The following AKAP6 variants were observed in gnomAD, a reference collection of about 807,000 sequenced individuals.
AKAP6 encodes the protein A-kinase anchoring protein 6.
In AKAP6, 58 loss-of-function variants were observed where a neutral mutation model predicts 188.5. That is an observed-to-expected ratio of 0.31 (90% confidence interval 0.25 to 0.38). The LOEUF (loss-of-function observed/expected upper bound fraction) is 0.38, where lower values mean the gene tolerates loss of function less well. AKAP6 is among the 10% of genes least tolerant of loss of function. The pLI is 1.00. For missense variants in AKAP6, 2,710 were observed against 2,740.0 expected (o/e 0.99, Z 0.24); for synonymous variants, 989 against 998.6 (o/e 0.99, Z 0.18).
At chr14:32,381,586 A>G (rs539363585) in intron 1 of AKAP6, among the ~76,000 whole-genome samples, 183 of 152,306 alleles carry the variant, frequency 1.2e-3, no homozygotes, top group African/African-American at 4.4e-3. Context: ...GAAAAATAAG[A>G]CTAAGATCTG....
Position 32,821,760 on chromosome 14 carries a change from A to G in AKAP6, c.3947A>G (p.Gln1316Arg). 1 of 1,613,894 alleles carries G rather than the reference A, an allele frequency of 6.2e-7. No homozygotes were observed. The highest frequency in any genetic ancestry group is 8.5e-7 in the Non-Finnish European group (1 of 1,179,940). ...AATCCAAAGGTCACTGGCATGACAC[A>G]GCCTAATGTTTTAACTAAGAGTCTC... ...KNNPKVTGMT[Q>R]PNVLTKSLSK... is the part of the protein sequence containing the mutation. The change falls in exon 13 of 14, where the codon CAG becomes CGG. Residue 1316 changes from glutamine to arginine, a missense_variant. Physicochemically the swap from Gln to Arg is conservative, Grantham distance 43. Coordinates refer to ENST00000280979, the MANE Select transcript of AKAP6 (RefSeq NM_004274.5).
intron 7 of AKAP6, among the ~76,000 whole-genome samples, chr14:32,623,665 C>G (rs926350742): frequency 6.6e-6 from 1 of 152,016 alleles, no homozygotes; most frequent in Admixed American, 6.6e-5. Flanking sequence ...GACAGAGAAC[C>G]GTGGCATAAT....
At chr14:32,678,182 C>T in intron 7 of AKAP6, 129 bp from the exon 8 acceptor site, 1 of 911,280 alleles carries the variant, frequency 1.1e-6, no homozygotes, top group Non-Finnish European at 1.6e-6. Flanking sequence ...CAACTGATCC[C>T]ATTAAATCCA....
chr14:32,741,769 T>G (rs73266980), intron 11 of AKAP6, among the ~76,000 whole-genome samples: 22,613 of 150,232 alleles, frequency 0.15, 1,810 homozygotes, highest in Middle Eastern at 0.2. Context: ...TTTGCTAGTA[T>G]TTTGTTGAGG....
intron 4 of AKAP6, among the ~76,000 whole-genome samples, chr14:32,556,922 T>C (rs1013107898): frequency 1.1e-4 from 16 of 148,468 alleles, no homozygotes; most frequent in African/African-American, 4.0e-4. Context: ...TCTCTCTCTC[T>C]TTTTTTTTTA....
In AKAP6 at chr14:32,509,912, C is replaced by A. The variant is rs947642814; in HGVS notation, c.325-25642C>A. ...ATGTTACTTGACGCTCCTTCATTCC[C>A]GTTGAAGCTGCCTCTCCCGGAAATC... is the stretch of plus-strand genomic sequence containing the variant. On this transcript the variant is annotated intron_variant, in intron 2 of 13. Coordinates refer to ENST00000280979, the MANE Select transcript of AKAP6 (RefSeq NM_004274.5). 1.1e-4 allele frequency among the ~76,000 whole-genome samples: 17 copies of A among 152,278 alleles called. 1 individual carries two copies. The Middle Eastern group carries it at 0.01, about 92-fold the overall frequency.
chr14:32,386,119 C>T (rs1486319620), intron 1 of AKAP6, among the ~76,000 whole-genome samples: 2 of 151,924 alleles, frequency 1.3e-5, no homozygotes, highest in African/African-American at 2.4e-5. Flanking sequence ...TGGGTAGATA[C>T]CCAGTAGTGG....
intron 7 of AKAP6, among the ~76,000 whole-genome samples, chr14:32,661,072 G>T (rs1397152407): frequency 6.6e-6 from 1 of 151,646 alleles, no homozygotes; most frequent in Non-Finnish European, 1.5e-5. Flanking sequence ...TTCATTTTGG[G>T]AAATGTAGAG....
chr14:32,583,376 G>A (rs538580950), intron 5 of AKAP6, among the ~76,000 whole-genome samples: 17 of 152,300 alleles, frequency 1.1e-4, no homozygotes, highest in Admixed American at 7.8e-4. Flanking sequence ...GTACCCGGCC[G>A]TGTGAGGTGT....
chr14:32,807,111 C>T (rs566988899), intron 12 of AKAP6, among the ~76,000 whole-genome samples: 4 of 150,844 alleles, frequency 2.7e-5, no homozygotes, highest in Middle Eastern at 3.5e-3. Flanking sequence ...TTTGGAAGGC[C>T]AAGGCAGGAG....
chr14:32,624,049 G>C (rs1055025066), intron 7 of AKAP6, among the ~76,000 whole-genome samples: 1 of 152,076 alleles, frequency 6.6e-6, no homozygotes, highest in Non-Finnish European at 1.5e-5. Context: ...AATGCAGCGG[G>C]ATGGCCTCCT....
chr14:32,819,292 T>A (rs1231504907), intron 12 of AKAP6, among the ~76,000 whole-genome samples: 1 of 152,292 alleles, frequency 6.6e-6, no homozygotes, highest in East Asian at 1.9e-4. Flanking sequence ...AATAAAGTGC[T>A]AATGGGTATT....
intron 5 of AKAP6, among the ~76,000 whole-genome samples, 170 bp from the exon 6 acceptor site, chr14:32,599,240 C>G (rs919078276): frequency 8.5e-5 from 13 of 152,112 alleles, no homozygotes; most frequent in African/African-American, 3.1e-4. Context: ...CTAATGGAAA[C>G]ATTTTGAGCC....
chr14:32,466,676 G>A (rs1487985410), intron 2 of AKAP6, among the ~76,000 whole-genome samples: 1 of 150,330 alleles, frequency 6.7e-6, no homozygotes, highest in Non-Finnish European at 1.5e-5. Flanking sequence ...AAACCACCAT[G>A]GCCCATGTAT....
In AKAP6 at chr14:32,337,194, C is replaced by G. The variant is rs115541653; in HGVS notation, c.-35+7786C>G. On this transcript the variant is annotated intron_variant, in intron 1 of 13. Coordinates refer to ENST00000280979, the MANE Select transcript of AKAP6 (RefSeq NM_004274.5). ...AGAAGACTATATGCAACAATGAAAA[C>G]AGGCGTGCAAGTACAGTTTAAAAAA... 4.5e-3 allele frequency among the ~76,000 whole-genome samples: 681 copies of G among 152,176 alleles called. 4 individuals are homozygous for G. Among genetic ancestry groups the G allele is most frequent in the African/African-American group, 0.016 (653 of 41,530 alleles).
At chr14:32,356,075 C>T (rs1054256685) in intron 1 of AKAP6, among the ~76,000 whole-genome samples, 6 of 152,222 alleles carry the variant, frequency 3.9e-5, no homozygotes, top group Non-Finnish European at 8.8e-5. Flanking sequence ...CCATACCTGG[C>T]AGGTATTGTG....
At chr14:32,366,099 T>G (rs1887824595) in intron 1 of AKAP6, among the ~76,000 whole-genome samples, 1 of 151,858 alleles carries the variant, frequency 6.6e-6, no homozygotes, top group Non-Finnish European at 1.5e-5. Flanking sequence ...TAAACAGCAA[T>G]CCATTGTCCC....
intron 1 of AKAP6, among the ~76,000 whole-genome samples, chr14:32,369,286 G>A (rs1288846331): frequency 6.6e-6 from 1 of 152,112 alleles, no homozygotes; most frequent in Non-Finnish European, 1.5e-5. Context: ...TTAATACAGT[G>A]TGGCACCAAA....
At chr14:32,493,758 A>T (rs1001757051) in intron 2 of AKAP6, among the ~76,000 whole-genome samples, 1 of 152,130 alleles carries the variant, frequency 6.6e-6, no homozygotes, top group African/African-American at 2.4e-5. Context: ...GAATTCATTC[A>T]TTTAGCAAAC....
Sources: allele counts gnomAD v4.1 joint callset (sites outside exome capture counted in the v4.1 genomes callset), GRCh38; gene constraint gnomAD v4.1.1; transcripts MANE v1.5; gene names NCBI Gene and HGNC (gene_info 2026-07-23, HGNC 2026-07-21).